TVP23B: variants seen among roughly 807,000 people sequenced by gnomAD.
TVP23B encodes the protein trans-golgi network vesicle protein 23 homolog B, also known as Golgi apparatus membrane protein TVP23 homolog B.
Under a neutral mutation model 30.6 loss-of-function variants are expected in TVP23B, and 10 were observed. The ratio of observed to expected loss-of-function variants is 0.33; its 90% confidence interval spans 0.20 to 0.55. The LOEUF is 0.55. Among genes scored for constraint, TVP23B ranks in the 20% least tolerant of loss-of-function variants. The pLI is 0.91. For missense variants in TVP23B, 153 were observed against 243.2 expected, an observed-to-expected ratio of 0.63 and a Z score of 2.47; for synonymous variants, 67 against 83.1, an observed-to-expected ratio of 0.81 and a Z score of 1.06.
chr17:18,791,190 T>TG, intron 3 of TVP23B, 150 bp downstream of exon 3: 2 of 350,926 alleles, frequency 5.7e-6, no homozygotes, highest in Non-Finnish European at 7.9e-6. Flanking sequence ...GCATGTAGTT[T>TG]TTTTTTTTTT....
chr17:18,804,816 A>G (rs1290419575), intron 6 of TVP23B, among the ~76,000 whole-genome samples: 1 of 151,818 alleles, frequency 6.6e-6, no homozygotes, highest in South Asian at 2.1e-4. Flanking sequence ...TCTCCATCTC[A>G]TGACCTTGTG....
intron 1 of TVP23B, among the ~76,000 whole-genome samples, chr17:18,786,694 C>T (rs188226496): frequency 9.2e-5 from 14 of 152,250 alleles, no homozygotes; most frequent in Admixed American, 7.8e-4. Context: ...CTAATTGTAG[C>T]CAGGGTTGAG....
chr17:18,783,058 A>C (rs982506039), intron 1 of TVP23B, among the ~76,000 whole-genome samples: 4 of 121,170 alleles, frequency 3.3e-5, no homozygotes, highest in African/African-American at 8.8e-5. Context: ...GAAACACAAC[A>C]ATGTTGACTG....
chr17:18,789,459 G>C, intron 2 of TVP23B, 24 bp downstream of exon 2: 2 of 1,613,962 alleles, frequency 1.2e-6, no homozygotes, highest in Non-Finnish European at 1.7e-6. Flanking sequence ...AGTTGCATGA[G>C]CTGTGTTAGT....
In TVP23B at chr17:18,781,309, A is replaced by C. The variant is rs1207143563; in HGVS notation, c.12+4A>C. ...TAGGGCCGCCATGTTGCAGCAGGTG[A>C]GGGGCTGAGGGCTCGCTGGGAGGGT... On this transcript the variant is annotated splice_donor_region_variant and intron_variant, in intron 1 of 6. Coordinates refer to ENST00000307767, the MANE Select transcript of TVP23B (RefSeq NM_016078.6). The C allele has an allele frequency of 6.3e-7, 1 of 1,579,554 alleles. No individual in the cohort carries two copies. Among genetic ancestry groups the C allele is most frequent in the Non-Finnish European group, 8.6e-7 (1 of 1,163,854 alleles).
chr17:18,783,804 G>A (rs778731103), intron 1 of TVP23B, among the ~76,000 whole-genome samples: 110 of 152,212 alleles, frequency 7.2e-4, no homozygotes, highest in South Asian at 1.2e-3. Flanking sequence ...CCTTTTAAAC[G>A]TTTGCTCACA....
At position 18,789,416 on chromosome 17, in the gene TVP23B, C is replaced by A; in HGVS notation, c.76C>A (p.Pro26Thr). ...FDAEEETTNR[P>T]RKAKIRHPVA... Reference sequence around the variant, plus strand: ...TGCGGAAGAGGAGACGACTAATAGACCAAGAAAAGCCAAAATCAGGTAGGA... The same window carrying A: ...TGCGGAAGAGGAGACGACTAATAGAACAAGAAAAGCCAAAATCAGGTAGGA... The change falls in exon 2 of 7, where the codon CCA becomes ACA. Residue 26 changes from proline to threonine, a missense_variant. By Grantham distance (38) the Pro-to-Thr change is conservative. Transcript: ENST00000307767. The A allele has an allele frequency of 6.2e-7, 1 of 1,613,936 alleles. No homozygotes were observed. The highest frequency in any genetic ancestry group is 8.5e-7 in the Non-Finnish European group (1 of 1,179,868).
chr17:18,783,075 C>CTATTTATTTCTT (rs2035833023), intron 1 of TVP23B, among the ~76,000 whole-genome samples: 1 of 77,258 alleles, frequency 1.3e-5, no homozygotes, highest in Non-Finnish European at 3.1e-5. Context: ...ACTGTTCCCA[C>CTATTTATTTCTT]TATTTATTTA....
intron 3 of TVP23B, among the ~76,000 whole-genome samples, chr17:18,791,982 T>A (rs1334850783): frequency 6.6e-6 from 1 of 152,186 alleles, no homozygotes; most frequent in Non-Finnish European, 1.5e-5. Context: ...CAAAGACTAG[T>A]AAGATGTTAC....
chr17:18,804,780 G>A (rs2151853322), intron 6 of TVP23B, among the ~76,000 whole-genome samples: 1 of 151,938 alleles, frequency 6.6e-6, no homozygotes, highest in South Asian at 2.1e-4. Flanking sequence ...AGTAGAGATG[G>A]GATTTCATCG....
rs187546418 is a variant in TVP23B, at chr17:18,804,678, C to G, written c.591+412C>G. ...ATCTTGGCTCACTGCAACCTCTGCC[C>G]CCCGGGTTCATGTGATTCTCCTGCC... On this transcript the variant is annotated intron_variant, in intron 6 of 6. Coordinates refer to ENST00000307767, the MANE Select transcript of TVP23B (RefSeq NM_016078.6). 4.4e-3 allele frequency: 3,181 copies of G among 727,912 alleles called. 13 individuals carry two copies. Among genetic ancestry groups the G allele is most frequent in the Admixed American group, 6.4e-3 (124 of 19,388 alleles). The allele number at this position is 727,912 out of a possible 1,614,324, so 45.1% of individuals were successfully genotyped here.
chr17:18,783,551 T>C (rs1417251196), intron 1 of TVP23B, among the ~76,000 whole-genome samples: 5 of 152,338 alleles, frequency 3.3e-5, no homozygotes, highest in African/African-American at 1.2e-4. Flanking sequence ...TCTTCTCTTA[T>C]CCTCTCTCAG....
At chr17:18,792,058 A>G (rs886324430) in intron 3 of TVP23B, among the ~76,000 whole-genome samples, 9 of 150,718 alleles carry the variant, frequency 6.0e-5, no homozygotes, top group Non-Finnish European at 1.0e-4. Context: ...TTTGAGACGG[A>G]GTTTCACTTT....
At chr17:18,788,331 A>C (rs1274893368) in intron 1 of TVP23B, among the ~76,000 whole-genome samples, 1 of 36,964 alleles carries the variant, frequency 2.7e-5, no homozygotes, top group Non-Finnish European at 6.2e-5. Context: ...ACTCCATCTC[A>C]AAAAAAAAAA....
chr17:18,788,664 C>A (rs1402382539), intron 1 of TVP23B, among the ~76,000 whole-genome samples: 2 of 151,720 alleles, frequency 1.3e-5, no homozygotes, highest in Non-Finnish European at 2.9e-5. Context: ...CGCCTGTAAT[C>A]CCAACAACTT....
intron 3 of TVP23B, among the ~76,000 whole-genome samples, chr17:18,793,664 T>C (rs897480573): frequency 2.7e-5 from 4 of 150,064 alleles, no homozygotes; most frequent in East Asian, 1.9e-4. Context: ...TTCTGCAACA[T>C]TGGAGAAGAT....
intron 1 of TVP23B, among the ~76,000 whole-genome samples, chr17:18,786,881 C>CA (rs2035914593): frequency 6.7e-6 from 1 of 149,032 alleles, no homozygotes; most frequent in Admixed American, 6.7e-5. Context: ...CGCGGACTGT[C>CA]AGGGCCCAGC....
In TVP23B at chr17:18,781,472, G is replaced by A. The variant is rs539658469; in HGVS notation, c.12+167G>A. On this transcript the variant is annotated intron_variant, in intron 1 of 6. Coordinates refer to ENST00000307767, the MANE Select transcript of TVP23B (RefSeq NM_016078.6). ...TAGTTGTCTGAGGAGGGCTGCTGGG[G>A]GTTCTGAGGCCGCTGGGGGCGGCGT... is the stretch of plus-strand genomic sequence containing the variant. The A allele has an allele frequency of 5.4e-6, 7 of 1,295,074 alleles. No homozygotes were observed. In the East Asian group the frequency reaches 1.8e-4, roughly 33 times the overall value. The allele number at this position is 1,295,074 out of a possible 1,614,324, so 80.2% of individuals were successfully genotyped here.
intron 5 of TVP23B, 78 bp downstream of exon 5, chr17:18,799,021 A>G: frequency 6.6e-7 from 1 of 1,512,548 alleles, no homozygotes; most frequent in Non-Finnish European, 8.9e-7. Flanking sequence ...ACTACAACTG[A>G]GTCCTTATCA....
Sources: gnomAD v4.1 joint callset for allele counts (sites outside exome capture counted in the v4.1 genomes callset) on GRCh38, gnomAD v4.1.1 for gene constraint, MANE v1.5 for transcripts, NCBI Gene and HGNC (gene_info 2026-07-23, HGNC 2026-07-21) for gene names.